Variants in CHD5 observed in about 807,000 individuals in gnomAD.
The protein encoded by CHD5 is chromodomain helicase DNA binding protein 5.
A neutral mutation model predicts 230.3 loss-of-function variants in CHD5; 69 were observed. The ratio of observed to expected loss-of-function variants is 0.30; its 90% CI spans 0.25 to 0.37. The LOEUF is 0.37. Among genes scored for constraint, CHD5 ranks in the 10% least tolerant of loss-of-function variants. The pLI is 1.00. For synonymous variants in CHD5, 1,064 were observed against 1,065.9 expected, an observed-to-expected ratio of 1.00 and a Z score of 0.03; for missense variants, 1,827 against 2,622.8, an observed-to-expected ratio of 0.70 and a Z score of 6.63.
rs1666590310 is a variant in CHD5 at position 6,128,005 on chromosome 1, G to C, written c.3903+41C>G. 6.6e-7 allele frequency: 1 copy of C among 1,518,832 alleles called. No homozygotes were observed. The highest frequency in any genetic ancestry group is 8.9e-7 in the Non-Finnish European group (1 of 1,127,690). The allele number at this position is 1,518,832 out of a possible 1,614,324, so 94.1% of individuals were successfully genotyped here. ...ACAGTGGGGGGCGGGGCTGCGGATG[G>C]AGGGCGGGGCTGCGGATGGAGGGCG... is the stretch of plus-strand genomic sequence containing the variant. On this transcript the variant is annotated intron_variant, in intron 25 of 41. Transcript: ENST00000262450. The surrounding 1 kb of genome is among the most constrained non-coding windows in gnomAD (Gnocchi z 7.8).
intron 3 of CHD5, among the ~76,000 whole-genome samples, chr1:6,159,006 CAAAA>C (rs35569300): frequency 2.5e-4 from 16 of 63,618 alleles, no homozygotes; most frequent in Middle Eastern, 9.4e-3. Flanking sequence ...GACTCCGTCT[CAAAA>C]AAAAAAAAAA....
intron 2 of CHD5, among the ~76,000 whole-genome samples, chr1:6,161,915 T>C (rs747393): frequency 0.34 from 51,773 of 152,034 alleles, 12,897 homozygotes; most frequent in East Asian, 0.69. Context: ...AGGATGAAGT[T>C]GAGGGACCCA....
At chr1:6,127,992 G>T in intron 25 of CHD5, 54 bp downstream of exon 25, 1 of 1,458,840 alleles carries the variant, frequency 6.9e-7, no homozygotes, top group Non-Finnish European at 9.2e-7. Flanking sequence ...AGTGGGGGGC[G>T]GGGCTGCGGA....
In CHD5 at chr1:6,155,423, G is replaced by A. The variant is rs1212327978; in HGVS notation, c.506+176C>T. On this transcript the variant is annotated intron_variant, in intron 4 of 41. Transcript: ENST00000262450. This position sits in a 1 kb window ranked among gnomAD's most constrained non-coding sequence, Gnocchi z 4.0. ...AGGGCCCACAAGGGAAGGCCTGGTGGTCTGTTAACATGAAGGGGTCCTGCC... is the reference window on the plus strand; with the variant it reads ...AGGGCCCACAAGGGAAGGCCTGGTGATCTGTTAACATGAAGGGGTCCTGCC... Among the ~76,000 whole-genome samples, 1 of 152,138 alleles carries A rather than the reference G, an allele frequency of 6.6e-6. No homozygotes were observed. Among genetic ancestry groups the A allele is most frequent in the African/African-American group, 2.4e-5 (1 of 41,422 alleles).
In CHD5 at chr1:6,159,411, C is replaced by T. The variant is rs61759472; in HGVS notation, c.312G>A (p.Lys104=). The change falls in exon 3 of 42, where the codon AAG becomes AAA. Residue 104 remains lysine, a synonymous_variant. Transcript: ENST00000262450. The part of the protein sequence containing the change: ...SPNKKKKKKL[K]DKKEKKAKRK... ...GCTTGGCTTTTTTCTCCTTCTTGTC[C>T]TTGAGTTTCTTCTTCTTCTTTTTAT... 52 of 1,558,590 alleles carry T rather than the reference C, an allele frequency of 3.3e-5. No individual in the cohort carries two copies. The highest frequency in any genetic ancestry group is 9.4e-5 in the South Asian group (8 of 84,956).
In CHD5 at chr1:6,142,002, C is replaced by A. The variant is rs1291478059; in HGVS notation, c.2436+126G>T. On this transcript the variant is annotated intron_variant, in intron 15 of 41. Transcript: ENST00000262450. The surrounding 1 kb of genome is among the most constrained non-coding windows in gnomAD (Gnocchi z 5.2). ...GTAACTCAGCCTCTAGGACAAGCCC[C>A]TCAGAGCCTGCCGGCCTCGGTAGCC... 1 of 812,564 alleles carries A rather than the reference C, an allele frequency of 1.2e-6. No homozygotes were observed. The highest frequency in any genetic ancestry group is 2.0e-6 in the Non-Finnish European group (1 of 488,338). The allele number at this position is 812,564 out of a possible 1,614,324, so 50.3% of individuals were successfully genotyped here.
In CHD5 at chr1:6,154,953, AC is replaced by A; in HGVS notation, c.507-56del. The A allele has an allele frequency of 6.6e-7, 1 of 1,504,722 alleles. No individual in the cohort carries two copies. Among genetic ancestry groups the A allele is most frequent in the Non-Finnish European group, 9.1e-7 (1 of 1,096,608 alleles). The allele number at this position is 1,504,722 out of a possible 1,614,324, so 93.2% of individuals were successfully genotyped here. On this transcript the variant is annotated intron_variant, in intron 4 of 41. Transcript: ENST00000262450. This position sits in a 1 kb window ranked among gnomAD's most constrained non-coding sequence, Gnocchi z 7.0. ...CAAGGCCAGGTGAGATGAGAGGCCC[AC>A]CCGACCCCCGGCAGGGCCCACCCCT...
At chr1:6,164,595 G>C (rs754638451) in intron 2 of CHD5, among the ~76,000 whole-genome samples, 4 of 152,190 alleles carry the variant, frequency 2.6e-5, no homozygotes, top group Non-Finnish European at 5.9e-5. Context: ...GGAGCCACCT[G>C]GTTGGAGGCA....
In CHD5 at chr1:6,146,088, G is replaced by A. The variant is rs908448402; in HGVS notation, c.1802+124C>T. 1.1e-6 allele frequency: 1 copy of A among 870,922 alleles called. No individual in the cohort carries two copies. 53.9% of individuals were successfully genotyped at this position (870,922 alleles called of 1,614,324 possible). A position where few individuals can be genotyped will look rare whatever the true frequency, so the allele number is the denominator to read the frequency against. ...TTGTGCCCCTGCTGTGCCCACATGT[G>A]GTTCTGCACGGCAGCCCCAAAGCAA... On this transcript the variant is annotated intron_variant, in intron 11 of 41. Transcript: ENST00000262450. The surrounding 1 kb of genome is among the most constrained non-coding windows in gnomAD (Gnocchi z 5.1).
At position 6,128,491 on chromosome 1, in the gene CHD5, G is replaced by A; in HGVS notation, c.3730+8C>T. The A allele has an allele frequency of 6.2e-7, 1 of 1,605,468 alleles. No homozygotes were observed. The highest frequency in any genetic ancestry group is 1.1e-5 in the South Asian group (1 of 90,742). On this transcript the variant is annotated splice_region_variant and intron_variant, in intron 24 of 41. Transcript: ENST00000262450. The surrounding 1 kb of genome is among the most constrained non-coding windows in gnomAD (Gnocchi z 7.8). Reference sequence around the variant, plus strand: ...GAGGAGCTGAGGCTGGGCTGGGTTGGCCCCTACCTGGCGGGGTGCTACCGT... The same window carrying A: ...GAGGAGCTGAGGCTGGGCTGGGTTGACCCCTACCTGGCGGGGTGCTACCGT...
rs760743983 is a variant in CHD5 at position 6,131,643 on chromosome 1, C to T, written c.3250G>A (p.Asp1084Asn). The change falls in exon 21 of 42, where the codon GAC becomes AAC. Residue 1084 changes from aspartate to asparagine, a missense_variant. Asp to Asn is a conservative substitution (Grantham distance 23, BLOSUM62 1). Coordinates refer to ENST00000262450, the MANE Select transcript of CHD5 (RefSeq NM_015557.3). This position sits in a 1 kb window ranked among gnomAD's most constrained non-coding sequence, Gnocchi z 5.0. The part of the protein sequence containing the change: ...ITGGLRQEAI[D>N]RFNAPGAQQF... ...AGGATGGGGGTACCATTGAATCTGTCGATTGCCTCCTGCCGGAGGCCCCCG... is the reference window on the plus strand; with the variant it reads ...AGGATGGGGGTACCATTGAATCTGTTGATTGCCTCCTGCCGGAGGCCCCCG... The T allele has an allele frequency of 1.2e-6, 2 of 1,600,890 alleles. No individual in the cohort carries two copies. Among genetic ancestry groups the T allele is most frequent in the Non-Finnish European group, 1.7e-6 (2 of 1,168,014 alleles).
intron 38 of CHD5, among the ~76,000 whole-genome samples, chr1:6,108,586 GA>G (rs1326282705): frequency 1.3e-5 from 2 of 150,944 alleles, no homozygotes; most frequent in Non-Finnish European, 3.0e-5. Context: ...TGGAGGGATG[GA>G]GGGGTGGAAG....
intron 7 of CHD5, among the ~76,000 whole-genome samples, chr1:6,150,249 C>T (rs937161769): frequency 3.6e-4 from 49 of 137,834 alleles, no homozygotes; most frequent in Admixed American, 4.4e-4. Context: ...GAATGGATAA[C>T]GGATGGACAA....
rs117379944 is a variant in CHD5 at position 6,165,073 on chromosome 1, G to A, written c.207+3077C>T. On this transcript the variant is annotated intron_variant, in intron 2 of 41. Transcript: ENST00000262450. ...GGACAAAAACAAAAACATATTGTCA[G>A]AGAAAGAAGCGGGAGGGAAGACCTG... Among the ~76,000 whole-genome samples, 11 of 152,326 alleles carry A rather than the reference G, an allele frequency of 7.2e-5. No individual in the cohort carries two copies. In the East Asian group the frequency reaches 2.1e-3, roughly 29 times the overall value.
chr1:6,112,277 T>G lies in CHD5; in HGVS notation c.5003A>C (p.Asp1668Ala). 6.2e-7 allele frequency: 1 copy of G among 1,614,108 alleles called. No homozygotes were observed. Among genetic ancestry groups the G allele is most frequent in the Non-Finnish European group, 8.5e-7 (1 of 1,179,964 alleles). Residue 1668 changes from aspartate to alanine, a missense_variant and splice_region_variant, in exon 35 of 42, where the codon GAT becomes GCT. Around this residue, in one of 14 missense-constraint regions of CHD5, gnomAD observed 272 missense variants for 263.2 expected, o/e 1.03. Transcript: ENST00000262450. ...SRGDSSELRPDDTKAEEKEPI... is the reference protein window; with the variant it reads ...SRGDSSELRPADTKAEEKEPI... Reference sequence around the variant, plus strand: ...CTCCTTCTCCTCAGCCTTGGTGTCATCTGCCGGGGACAGATCACATTCATT... The same window carrying G: ...CTCCTTCTCCTCAGCCTTGGTGTCAGCTGCCGGGGACAGATCACATTCATT...
Position 6,109,799 on chromosome 1 carries a change from G to C in CHD5, c.5574C>G (p.His1858Gln). ...AGNKPANAVL[H>Q]KVLNQLEELL... ...TGGGGGGCAGGACTTGCTCACCCTT[G>C]TGCAGGACGGCATTGGCAGGCTTGT... The change falls in exon 38 of 42, where the codon CAC becomes CAG. Residue 1858 changes from histidine (H) to glutamine (Q), a missense_variant. Around this residue, in one of 14 missense-constraint regions of CHD5, gnomAD observed 208 missense variants for 302.0 expected, o/e 0.69. Transcript: ENST00000262450. 1 of 1,612,190 alleles carries C rather than the reference G, an allele frequency of 6.2e-7. No homozygotes were observed. Among genetic ancestry groups the C allele is most frequent in the Non-Finnish European group, 8.5e-7 (1 of 1,179,434 alleles).
At chr1:6,170,145 G>T (rs760124125) in intron 1 of CHD5, among the ~76,000 whole-genome samples, 1 of 152,244 alleles carries the variant, frequency 6.6e-6, no homozygotes, top group African/African-American at 2.4e-5. Flanking sequence ...AACCCAGGCA[G>T]TCTGGTGACC....
chr1:6,114,181 A>C (rs1666339339), intron 33 of CHD5, among the ~76,000 whole-genome samples: 1 of 151,060 alleles, frequency 6.6e-6, no homozygotes, highest in African/African-American at 2.4e-5. Flanking sequence ...TGAACCCGGG[A>C]GGCAGAGGTT....
chr1:6,118,445 A>T (rs1427540892), intron 33 of CHD5, among the ~76,000 whole-genome samples: 1 of 152,014 alleles, frequency 6.6e-6, no homozygotes, highest in Non-Finnish European at 1.5e-5. Context: ...AACTTTAAAA[A>T]CACTATGCTA....
Sources: gnomAD v4.1 joint callset for allele counts (sites outside exome capture counted in the v4.1 genomes callset) on GRCh38, gnomAD v4.1.1 for gene constraint, gnomAD v4.1.1 regional missense constraint, Gnocchi (gnomAD v3.1) non-coding constraint, MANE v1.5 for transcripts, NCBI Gene and HGNC (gene_info 2026-07-23, HGNC 2026-07-21) for gene names.